CHRM3: variants seen among roughly 807,000 people sequenced by gnomAD.
The protein encoded by CHRM3 is muscarinic acetylcholine receptor M3.
Under a neutral mutation model 41.8 loss-of-function variants are expected in CHRM3, and 11 were observed. The observed-to-expected ratio is 0.26, with a 90% CI of 0.17 to 0.44. The LOEUF is 0.44. Ranked by LOEUF, CHRM3 falls within the 20% of genes least tolerant of loss-of-function variation. CHRM3 has a pLI of 1.00. For missense variants in CHRM3, 571 were observed against 745.4 expected (o/e 0.77, Z 2.72); for synonymous variants, 297 against 301.4 (o/e 0.99, Z 0.15).
intron 1 of CHRM3, among the ~76,000 whole-genome samples, chr1:239,487,522 A>G (rs967086533): frequency 6.6e-6 from 1 of 151,702 alleles, no homozygotes; most frequent in Non-Finnish European, 1.5e-5. Context: ...AGAAACATGT[A>G]AAAAAACCAA....
At chr1:239,891,487 T>A (rs1216238843) in intron 6 of CHRM3, among the ~76,000 whole-genome samples, 1 of 152,100 alleles carries the variant, frequency 6.6e-6, no homozygotes, top group Non-Finnish European at 1.5e-5. Flanking sequence ...TCTGACAGGC[T>A]AAGAAGCATA....
At chr1:239,780,279 C>T (rs73125282) in intron 5 of CHRM3, among the ~76,000 whole-genome samples, 5,807 of 152,268 alleles carry the variant, frequency 0.038, 366 homozygotes, top group African/African-American at 0.13. Context: ...GCTCCATATC[C>T]TCACCAACAT....
intron 1 of CHRM3, among the ~76,000 whole-genome samples, chr1:239,391,090 A>G (rs907180559): frequency 6.6e-6 from 1 of 152,176 alleles, no homozygotes; most frequent in Admixed American, 6.5e-5. Flanking sequence ...GTGAGTCAGG[A>G]TCATGCCACT....
intron 3 of CHRM3, among the ~76,000 whole-genome samples, chr1:239,581,794 G>A (rs1227477523): frequency 2.0e-5 from 3 of 152,110 alleles, no homozygotes; most frequent in African/African-American, 4.8e-5. Context: ...GAAAACACAA[G>A]ATTTGAACCT....
At position 239,499,819 on chromosome 1, in the gene CHRM3, G is replaced by A. The variant is rs569084483; in HGVS notation, c.-422+7012G>A. On this transcript the variant is annotated intron_variant, in intron 2 of 6. Transcript: ENST00000676153. The stretch of plus-strand genomic sequence containing the variant: ...AACCCTACAAGCTAGAAGGGATTGG[G>A]GCCCTATCTTCAGCCTCCTCAAACA... Among the ~76,000 whole-genome samples, 39 of 152,194 alleles carry A rather than the reference G, an allele frequency of 2.6e-4. 2 individuals are homozygous for A. In the South Asian group the frequency reaches 6.0e-3, roughly 23 times the overall value.
At chr1:239,860,169 A>G (rs1475469620) in intron 6 of CHRM3, among the ~76,000 whole-genome samples, 2 of 152,164 alleles carry the variant, frequency 1.3e-5, no homozygotes, top group African/African-American at 4.8e-5. Flanking sequence ...AAATCAGAGC[A>G]TCTCTATTCC....
At chr1:239,870,051 T>C (rs1676444708) in intron 6 of CHRM3, among the ~76,000 whole-genome samples, 1 of 152,204 alleles carries the variant, frequency 6.6e-6, no homozygotes, top group South Asian at 2.1e-4. Context: ...CTGCAATTCT[T>C]ATGAGTCATT....
chr1:239,480,987 AT>A (rs1266832761), intron 1 of CHRM3, among the ~76,000 whole-genome samples: 11 of 152,314 alleles, frequency 7.2e-5, no homozygotes, highest in African/African-American at 2.2e-4. Context: ...CATAAATAAG[AT>A]TTTAACATTA....
intron 3 of CHRM3, among the ~76,000 whole-genome samples, chr1:239,614,706 A>G (rs1669822967): frequency 6.6e-6 from 1 of 152,132 alleles, no homozygotes; most frequent in South Asian, 2.1e-4. Context: ...ATTTCCAATG[A>G]TGTTTGCTGC....
At chr1:239,737,832 T>A (rs973035996) in intron 5 of CHRM3, among the ~76,000 whole-genome samples, 14 of 152,174 alleles carry the variant, frequency 9.2e-5, no homozygotes, top group Non-Finnish European at 1.6e-4. Context: ...AGATATCTGA[T>A]TAGATCTCAG....
chr1:239,443,631 C>G (rs1663899179), intron 1 of CHRM3, among the ~76,000 whole-genome samples: 1 of 152,160 alleles, frequency 6.6e-6, no homozygotes, highest in Admixed American at 6.5e-5. Context: ...AAAGTGCTTA[C>G]TTTAATGAAG....
Position 239,725,440 on chromosome 1 carries a change from G to A in CHRM3, c.-147+47152G>A, listed in dbSNP as rs114732771. Among the ~76,000 whole-genome samples, 32 of 151,966 alleles carry A rather than the reference G, an allele frequency of 2.1e-4. No homozygotes were observed. In the East Asian group the frequency reaches 4.1e-3, roughly 19 times the overall value. Reference sequence around the variant, plus strand: ...TTTTATCTACTAGAGTAATTCCACCGTATGCAGCAGGATATACTTTTTGTT... The same window carrying A: ...TTTTATCTACTAGAGTAATTCCACCATATGCAGCAGGATATACTTTTTGTT... On this transcript the variant is annotated intron_variant, in intron 5 of 6. Coordinates refer to ENST00000676153, the MANE Select transcript of CHRM3 (RefSeq NM_001375978.1).
rs1347772422 is a variant in CHRM3, at chr1:239,885,260, C to T, written c.-19-22173C>T. On this transcript the variant is annotated intron_variant, in intron 6 of 6. Transcript: ENST00000676153. The stretch of plus-strand genomic sequence containing the variant: ...TAGGACTGTCATTCTCAAACTTTAG[C>T]GTGCATCTGAATCACCTGGAAGGAA... Among the ~76,000 whole-genome samples the T allele has an allele frequency of 3.3e-5, 5 of 152,128 alleles. No individual in the cohort carries two copies. In the South Asian group the frequency reaches 6.2e-4, roughly 19 times the overall value.
intron 5 of CHRM3, among the ~76,000 whole-genome samples, chr1:239,793,125 A>T (rs1458645369): frequency 6.6e-6 from 1 of 152,222 alleles, no homozygotes; most frequent in Non-Finnish European, 1.5e-5. Context: ...ATTATTGAAC[A>T]TCAGTAAATC....
intron 5 of CHRM3, among the ~76,000 whole-genome samples, chr1:239,750,824 T>C (rs1467910019): frequency 6.6e-6 from 1 of 152,364 alleles, no homozygotes; most frequent in East Asian, 1.9e-4. Flanking sequence ...GGCTGCCCAA[T>C]TTGCAAATCA....
In CHRM3 at chr1:239,792,693, A is replaced by G. The variant is rs575287569; in HGVS notation, c.-146-34559A>G. On this transcript the variant is annotated intron_variant, in intron 5 of 6. Coordinates refer to ENST00000676153, the MANE Select transcript of CHRM3 (RefSeq NM_001375978.1). ...GTTATAGGACCTTAGGACTTGAATG[A>G]ATTTTTAAATTGGTAAAGTTCAGAG... Among the ~76,000 whole-genome samples the G allele has an allele frequency of 2.1e-4, 32 of 152,360 alleles. No individual in the cohort carries two copies. The South Asian group carries it at 6.6e-3, about 32-fold the overall frequency.
chr1:239,531,569 A>G (rs896152758), intron 2 of CHRM3, among the ~76,000 whole-genome samples: 15 of 151,572 alleles, frequency 9.9e-5, no homozygotes, highest in Non-Finnish European at 1.9e-4. Flanking sequence ...TCAAGATATC[A>G]TAAACTAGGT....
chr1:239,444,429 A>G (rs1663970015), intron 1 of CHRM3, among the ~76,000 whole-genome samples: 1 of 152,180 alleles, frequency 6.6e-6, no homozygotes, highest in Non-Finnish European at 1.5e-5. Flanking sequence ...ATGGAGGAGT[A>G]TATACAATAC....
chr1:239,411,389 A>G (rs1426789314), intron 1 of CHRM3, among the ~76,000 whole-genome samples: 3 of 151,996 alleles, frequency 2.0e-5, no homozygotes, highest in Admixed American at 2.0e-4. Flanking sequence ...TAAGTTAGAT[A>G]CAGTTTCTAA....
Sources: gnomAD v4.1 joint callset for allele counts (sites outside exome capture counted in the v4.1 genomes callset) on GRCh38, gnomAD v4.1.1 for gene constraint, MANE v1.5 for transcripts, NCBI Gene and HGNC (gene_info 2026-07-23, HGNC 2026-07-21) for gene names.